Variants in UBN2 observed in about 807,000 individuals in gnomAD.
UBN2 encodes the protein ubinuclein-2.
A neutral mutation model predicts 120.2 loss-of-function variants in UBN2; 35 were observed. The ratio of observed to expected loss-of-function variants is 0.29; its 90% CI spans 0.22 to 0.39. The LOEUF (loss-of-function observed/expected upper bound fraction) is 0.39, where lower values mean the gene tolerates loss of function less well. Among genes scored for constraint, UBN2 ranks in the 10% least tolerant of loss-of-function variants. The probability of loss-of-function intolerance (pLI) is 1.00; values close to 1 mark genes in which losing one functional copy is unlikely to be tolerated. For missense variants in UBN2, 1,693 were observed against 1,663.2 expected (o/e 1.02, Z -0.31); for synonymous variants, 661 against 648.7 (o/e 1.02, Z -0.29).
chr7:139,240,128 T>C (rs1431939472), intron 2 of UBN2, among the ~76,000 whole-genome samples: 3 of 152,154 alleles, frequency 2.0e-5, no homozygotes, highest in African/African-American at 7.2e-5. Flanking sequence ...TGATAAAATA[T>C]TACTCTTGTT....
Position 139,304,613 on chromosome 7 carries a change from C to G in UBN2, c.*6777C>G, listed in dbSNP as rs1234515692. ...GATGAGGAACCAGTGTTACCAGGTT[C>G]AAGTGAGTTAGTAGAAAGCACCAGG... On this transcript the variant is annotated 3_prime_UTR_variant, in exon 18 of 18. Coordinates refer to ENST00000473989, the MANE Select transcript of UBN2 (RefSeq NM_173569.4). 1 of 151,692 alleles carries G rather than the reference C, an allele frequency of 6.6e-6. No individual in the cohort carries two copies. The highest frequency in any genetic ancestry group is 1.5e-5 in the Non-Finnish European group (1 of 68,036). 9.4% of individuals were successfully genotyped at this position (151,692 alleles called of 1,614,324 possible). A position where few individuals can be genotyped will look rare whatever the true frequency, so the allele number is the denominator to read the frequency against.
chr7:139,237,683 G>T (rs1345044506), intron 2 of UBN2, among the ~76,000 whole-genome samples: 1 of 152,184 alleles, frequency 6.6e-6, no homozygotes, highest in African/African-American at 2.4e-5. Context: ...GAGGCTCTGA[G>T]TTCAAGATTA....
rs1013077548 is a variant in UBN2 at position 139,305,525 on chromosome 7, TG to T, written c.*7690del. On this transcript the variant is annotated 3_prime_UTR_variant, in exon 18 of 18. Transcript: ENST00000473989. The stretch of plus-strand genomic sequence containing the variant: ...ATAGACTCTCAAAGTACCACTTGCT[TG>T]AAAGTAGCTACTTGTGATCTTTAAT... The T allele has an allele frequency of 6.6e-6, 1 of 152,242 alleles. No individual in the cohort carries two copies. The highest frequency in any genetic ancestry group is 2.4e-5 in the African/African-American group (1 of 41,466). The allele number at this position is 152,242 out of a possible 1,614,324, so 9.4% of individuals were successfully genotyped here.
At chr7:139,273,693 A>G (rs1195310933) in intron 10 of UBN2, among the ~76,000 whole-genome samples, 1 of 152,206 alleles carries the variant, frequency 6.6e-6, no homozygotes, top group Non-Finnish European at 1.5e-5. Context: ...TTCTTTAGCC[A>G]TCTTTCTCAA....
In UBN2 at chr7:139,307,839, T is replaced by G. The variant is rs1396485125; in HGVS notation, c.*10003T>G. 1 of 152,136 alleles carries G rather than the reference T, an allele frequency of 6.6e-6. No individual in the cohort carries two copies. The highest frequency in any genetic ancestry group is 1.5e-5 in the Non-Finnish European group (1 of 68,030). The allele number at this position is 152,136 out of a possible 1,614,324, so 9.4% of individuals were successfully genotyped here. A position where few individuals can be genotyped will look rare whatever the true frequency, so the allele number is the denominator to read the frequency against. ...TGCTTGTCTCTAGTTTTTAGAAAGCTCTTATCACTCCTTCCTAAGAAAAAA... is the reference window on the plus strand; with the variant it reads ...TGCTTGTCTCTAGTTTTTAGAAAGCGCTTATCACTCCTTCCTAAGAAAAAA... On this transcript the variant is annotated 3_prime_UTR_variant, in exon 18 of 18. Transcript: ENST00000473989.
chr7:139,265,222 G>A (rs756027762), intron 6 of UBN2, among the ~76,000 whole-genome samples: 2 of 151,992 alleles, frequency 1.3e-5, no homozygotes, highest in Non-Finnish European at 2.9e-5. Flanking sequence ...TTGGCCGGGC[G>A]CAGTGGCCCA....
the UBN2 span, among the ~76,000 whole-genome samples, chr7:139,320,319 C>T: frequency 4.0e-5 from 6 of 150,826 alleles, no homozygotes; most frequent in South Asian, 2.1e-4. Context: ...AAAATTAGCC[C>T]GGCGTGGTGG....
chr7:139,298,042 A>G lies in UBN2; in HGVS notation c.*206A>G, dbSNP rs978371844. 8 of 568,916 alleles carry G rather than the reference A, an allele frequency of 1.4e-5. No homozygotes were observed. Among genetic ancestry groups the G allele is most frequent in the Non-Finnish European group, 2.5e-5 (8 of 321,364 alleles). 35.2% of individuals were successfully genotyped at this position (568,916 alleles called of 1,614,324 possible). ...GGAAGAAATGCTTTTGTGCAAAGTT[A>G]GTGACCTTTGGTCTCTTCTAAAGAA... On this transcript the variant is annotated 3_prime_UTR_variant, in exon 18 of 18. Transcript: ENST00000473989.
At position 139,239,850 on chromosome 7, in the gene UBN2, C is replaced by T. The variant is rs1187043320; in HGVS notation, c.561+2753C>T. Among the ~76,000 whole-genome samples, 5 of 152,284 alleles carry T rather than the reference C, an allele frequency of 3.3e-5. No individual in the cohort carries two copies. The East Asian group carries it at 9.6e-4, about 29-fold the overall frequency. Reference sequence around the variant, plus strand: ...GGATTACAGGCGTGAGCCACTGCGCCCAGCCTAGAGTGTCTATTTTGCTGT... The same window carrying T: ...GGATTACAGGCGTGAGCCACTGCGCTCAGCCTAGAGTGTCTATTTTGCTGT... On this transcript the variant is annotated intron_variant, in intron 2 of 17. Coordinates refer to ENST00000473989, the MANE Select transcript of UBN2 (RefSeq NM_173569.4).
intron 13 of UBN2, among the ~76,000 whole-genome samples, chr7:139,279,756 T>C (rs1223534115): frequency 6.6e-6 from 1 of 152,200 alleles, no homozygotes; most frequent in Non-Finnish European, 1.5e-5. Flanking sequence ...ACCCATCACT[T>C]TATGGTTTCT....
At chr7:139,288,779 G>A (rs567461441) in intron 15 of UBN2, among the ~76,000 whole-genome samples, 21 of 152,008 alleles carry the variant, frequency 1.4e-4, no homozygotes, top group African/African-American at 4.3e-4. Context: ...CGAGGTGAGC[G>A]GATCACGAGG....
At chr7:139,313,445 G>A in the UBN2 span, among the ~76,000 whole-genome samples, 1 of 151,954 alleles carries the variant, frequency 6.6e-6, no homozygotes, top group Non-Finnish European at 1.5e-5. Flanking sequence ...ATTTTATATC[G>A]AGCAATTTTG....
chr7:139,265,027 A>G (rs147804564), intron 6 of UBN2, among the ~76,000 whole-genome samples: 2,332 of 152,228 alleles, frequency 0.015, 35 homozygotes, highest in Middle Eastern at 0.051. Context: ...GAACATTTGA[A>G]TTATTGTCTT....
chr7:139,257,994 G>C (rs1273321893), intron 3 of UBN2, among the ~76,000 whole-genome samples: 1 of 152,134 alleles, frequency 6.6e-6, no homozygotes, highest in East Asian at 1.9e-4. Context: ...GGCTGGTCTC[G>C]AACTCCTGAC....
intron 7 of UBN2, among the ~76,000 whole-genome samples, chr7:139,268,360 T>C (rs1189516707): frequency 6.6e-6 from 1 of 152,110 alleles, no homozygotes; most frequent in Non-Finnish European, 1.5e-5. Flanking sequence ...TAAACAAACA[T>C]GTCTTATTTT....
At position 139,299,154 on chromosome 7, in the gene UBN2, A is replaced by T. The variant is rs1422506242; in HGVS notation, c.*1318A>T. 1 of 152,146 alleles carries T rather than the reference A, an allele frequency of 6.6e-6. No individual in the cohort carries two copies. The highest frequency in any genetic ancestry group is 1.5e-5 in the Non-Finnish European group (1 of 68,002). The allele number at this position is 152,146 out of a possible 1,614,324, so 9.4% of individuals were successfully genotyped here. A position where few individuals can be genotyped will look rare whatever the true frequency, so the allele number is the denominator to read the frequency against. On this transcript the variant is annotated 3_prime_UTR_variant, in exon 18 of 18. Transcript: ENST00000473989. ...ACAAAGGATGTTAAGGGAAAAATTTATGGTTCTCCTTGGATACATTTGATT... is the reference window on the plus strand; with the variant it reads ...ACAAAGGATGTTAAGGGAAAAATTTTTGGTTCTCCTTGGATACATTTGATT...
intron 15 of UBN2, among the ~76,000 whole-genome samples, chr7:139,291,557 A>G (rs1244980144): frequency 6.6e-6 from 1 of 152,168 alleles, no homozygotes; most frequent in African/African-American, 2.4e-5. Flanking sequence ...GCACATGGAA[A>G]AGAAAAATGT....
At chr7:139,273,448 C>T (rs1400817701) in intron 10 of UBN2, 38 bp downstream of exon 10, 3 of 1,330,394 alleles carry the variant, frequency 2.3e-6, no homozygotes, top group Non-Finnish European at 3.1e-6. Context: ...ATATATAATG[C>T]AGAAGTAAGA....
chr7:139,329,355 A>G, the UBN2 span, among the ~76,000 whole-genome samples: 1 of 151,760 alleles, frequency 6.6e-6, no homozygotes, highest in Non-Finnish European at 1.5e-5. Context: ...TTATCTGCTG[A>G]GACAGCAGTT....
Sources: gnomAD v4.1 joint callset for allele counts (sites outside exome capture counted in the v4.1 genomes callset) on GRCh38, gnomAD v4.1.1 for gene constraint, MANE v1.5 for transcripts, NCBI Gene and HGNC (gene_info 2026-07-23, HGNC 2026-07-21) for gene names.